KCMF1: variants seen among roughly 807,000 people sequenced by gnomAD.
KCMF1 encodes E3 ubiquitin-protein ligase KCMF1.
In KCMF1, 3 loss-of-function variants were observed where a neutral mutation model predicts 41.1. The ratio of observed to expected loss-of-function variants is 0.07; its 90% CI spans 0.03 to 0.19. The LOEUF (loss-of-function observed/expected upper bound fraction) is 0.19, where lower values mean the gene tolerates loss of function less well. KCMF1 is among the 10% of genes least tolerant of loss of function. The probability of loss-of-function intolerance (pLI) is 1.00; values close to 1 mark genes in which losing one functional copy is unlikely to be tolerated. For synonymous variants in KCMF1, 142 were observed against 164.5 expected (o/e 0.86, Z 1.04); for missense variants, 286 against 488.9 (o/e 0.58, Z 3.91).
chr2:84,976,770 T>C (rs1164043509), intron 1 of KCMF1, among the ~76,000 whole-genome samples: 1 of 152,172 alleles, frequency 6.6e-6, no homozygotes, highest in East Asian at 1.9e-4. Context: ...CATATTGTTA[T>C]GCTAGTTTCA....
intron 2 of KCMF1, among the ~76,000 whole-genome samples, chr2:85,033,928 G>A (rs1167143269): frequency 6.6e-6 from 1 of 151,682 alleles, no homozygotes; most frequent in Non-Finnish European, 1.5e-5. Flanking sequence ...CATGCCTGTA[G>A]TCCCAGCACT....
rs1673795929 is a variant in KCMF1 at position 84,982,667 on chromosome 2, A to G, written c.16+11200A>G. Among the ~76,000 whole-genome samples, 8 of 152,094 alleles carry G rather than the reference A, an allele frequency of 5.3e-5. No homozygotes were observed. The South Asian group carries it at 1.7e-3, about 32-fold the overall frequency. The stretch of plus-strand genomic sequence containing the variant: ...ACCTGCCTTCGCCACCCAAAGTGCT[A>G]GGATTACAGGCTGAGCCACCATGCC... On this transcript the variant is annotated intron_variant, in intron 1 of 6. Transcript: ENST00000409785.
At chr2:84,978,538 G>T (rs1209686287) in intron 1 of KCMF1, among the ~76,000 whole-genome samples, 1 of 147,542 alleles carries the variant, frequency 6.8e-6, no homozygotes. Flanking sequence ...TAGGGTACAT[G>T]TGCACAATGT....
chr2:85,008,291 T>TATATATA (rs1278421092), intron 1 of KCMF1, among the ~76,000 whole-genome samples: 1 of 14,652 alleles, frequency 6.8e-5, no homozygotes, highest in Non-Finnish European at 1.7e-4. Flanking sequence ...TGATATATAA[T>TATATATA]ATATATAATA....
chr2:84,992,012 A>G (rs1674051301), intron 1 of KCMF1, among the ~76,000 whole-genome samples: 1 of 152,028 alleles, frequency 6.6e-6, no homozygotes. Context: ...TTTCCTGTTT[A>G]CTCTTAAGTT....
chr2:84,994,687 G>A (rs909032264), intron 1 of KCMF1, among the ~76,000 whole-genome samples: 4 of 152,282 alleles, frequency 2.6e-5, no homozygotes, highest in Non-Finnish European at 4.4e-5. Flanking sequence ...ACAGGCATGA[G>A]CCACCACGCC....
intron 1 of KCMF1, among the ~76,000 whole-genome samples, chr2:84,978,680 G>A (rs1673618228): frequency 6.6e-6 from 1 of 151,806 alleles, no homozygotes; most frequent in Admixed American, 6.6e-5. Context: ...CCAAGTAGCT[G>A]CATTACAGGC....
At chr2:84,984,142 A>G (rs564320756) in intron 1 of KCMF1, among the ~76,000 whole-genome samples, 1 of 152,262 alleles carries the variant, frequency 6.6e-6, no homozygotes, top group East Asian at 1.9e-4. Context: ...GCACTTTGGG[A>G]GGCTGAGGAA....
intron 4 of KCMF1, among the ~76,000 whole-genome samples, chr2:85,045,470 C>T (rs1362848865): frequency 2.0e-5 from 3 of 152,064 alleles, no homozygotes; most frequent in Admixed American, 6.6e-5. Context: ...CATTATAAAG[C>T]TGGTCTGTTT....
intron 2 of KCMF1, among the ~76,000 whole-genome samples, chr2:85,030,017 T>C (rs945332536): frequency 6.6e-6 from 1 of 152,078 alleles, no homozygotes; most frequent in African/African-American, 2.4e-5. Context: ...CCACACTTTT[T>C]GTCCTTTTTA....
At chr2:84,974,253 TTGAACAAG>T (rs1673474327) in intron 1 of KCMF1, among the ~76,000 whole-genome samples, 1 of 152,216 alleles carries the variant, frequency 6.6e-6, no homozygotes, top group Non-Finnish European at 1.5e-5. Context: ...GGTAAAAGGT[TTGAACAAG>T]CCTATCATGT....
intron 1 of KCMF1, among the ~76,000 whole-genome samples, chr2:85,017,419 C>T (rs1357634759): frequency 6.6e-6 from 1 of 152,114 alleles, no homozygotes; most frequent in Non-Finnish European, 1.5e-5. Flanking sequence ...TAGTATTGTT[C>T]TCTGTATAGT....
Position 85,008,339 on chromosome 2 carries a change from T to G in KCMF1, c.17-19550T>G, listed in dbSNP as rs1376729381. Reference sequence around the variant, plus strand: ...TATATATCATATATAATATATAATATGATATATAATATATAATATATATTA... The same window carrying G: ...TATATATCATATATAATATATAATAGGATATATAATATATAATATATATTA... On this transcript the variant is annotated intron_variant, in intron 1 of 6. Coordinates refer to ENST00000409785, the MANE Select transcript of KCMF1 (RefSeq NM_020122.5). Among the ~76,000 whole-genome samples, 3 of 61,902 alleles carry G rather than the reference T, an allele frequency of 4.8e-5. No individual in the cohort carries two copies. The South Asian group carries it at 1.6e-3, about 33-fold the overall frequency. The allele number at this position is 61,902 out of a possible 152,430, so 40.6% of individuals were successfully genotyped here. A position where few individuals can be genotyped will look rare whatever the true frequency, so the allele number is the denominator to read the frequency against.
At chr2:84,992,549 G>T (rs1674067476) in intron 1 of KCMF1, among the ~76,000 whole-genome samples, 1 of 152,010 alleles carries the variant, frequency 6.6e-6, no homozygotes, top group South Asian at 2.1e-4. Flanking sequence ...TTTTCTTCTT[G>T]GATACAGAAA....
intron 3 of KCMF1, among the ~76,000 whole-genome samples, chr2:85,036,893 T>C (rs1200429477): frequency 1.3e-5 from 2 of 150,888 alleles, no homozygotes; most frequent in Admixed American, 6.6e-5. Context: ...TTGTTATTAT[T>C]ATCAGCCAAT....
chr2:84,972,751 T>G (rs1673432849), intron 1 of KCMF1, among the ~76,000 whole-genome samples: 1 of 152,256 alleles, frequency 6.6e-6, no homozygotes. Context: ...AAAATTCGCA[T>G]TACTAATTGC....
intron 1 of KCMF1, among the ~76,000 whole-genome samples, chr2:85,027,417 TGAGGCTGGAGTGCAGTG>T (rs1177301505): frequency 1.4e-5 from 2 of 143,628 alleles, no homozygotes; most frequent in African/African-American, 5.3e-5. Context: ...CACTCTGTTG[TGAGGCTGGAGTGCAGTG>T]GCGCGATCTC....
Position 85,046,119 on chromosome 2 carries a change from G to A in KCMF1, c.442G>A (p.Val148Ile), listed in dbSNP as rs1236663978. The change falls in exon 5 of 7, where the codon GTT becomes ATT. Residue 148 changes from valine (V) to isoleucine (I), a missense_variant. Physicochemically the swap from Val to Ile is conservative, Grantham distance 29. This residue lies in a region of KCMF1 where 95 missense variants were observed against 209.6 expected (regional missense o/e 0.45). Transcript: ENST00000409785. ...TTTGGGTTATGATGAATCGAGTGGTGTTCGACATGTACGTAGAATGTTTCA... is the reference window on the plus strand; with the variant it reads ...TTTGGGTTATGATGAATCGAGTGGTATTCGACATGTACGTAGAATGTTTCA... The part of the protein sequence containing the change: ...APRDLDESSG[V>I]RHVRRMFHPG... 5.6e-6 allele frequency: 9 copies of A among 1,612,748 alleles called. No individual in the cohort carries two copies. The highest frequency in any genetic ancestry group is 7.6e-6 in the Non-Finnish European group (9 of 1,179,384).
At chr2:84,982,596 G>A (rs923935558) in intron 1 of KCMF1, among the ~76,000 whole-genome samples, 17 of 151,308 alleles carry the variant, frequency 1.1e-4, no homozygotes, top group Admixed American at 5.3e-4. Context: ...ACGGGGTTTC[G>A]CCATGTTGGC....
Sources: gnomAD v4.1 joint callset for allele counts (sites outside exome capture counted in the v4.1 genomes callset) on GRCh38, gnomAD v4.1.1 for gene constraint, gnomAD v4.1.1 regional missense constraint, MANE v1.5 for transcripts, NCBI Gene and HGNC (gene_info 2026-07-23, HGNC 2026-07-21) for gene names.